Variants in IZUMO3 observed in about 807,000 individuals in gnomAD.
IZUMO3 encodes izumo sperm-egg fusion protein 3.
IZUMO3 carries 36 observed loss-of-function variants against 28.4 expected under a neutral mutation model. The observed-to-expected ratio is 1.27, with a 90% CI of 0.97 to 1.67. The LOEUF is 1.67. Ranked by LOEUF, IZUMO3 falls within the 40% of genes most tolerant of loss-of-function variation. The probability of loss-of-function intolerance (pLI) is 0.00; values close to 1 mark genes in which losing one functional copy is unlikely to be tolerated. For synonymous variants in IZUMO3, 126 were observed against 99.2 expected (o/e 1.27, Z -1.61); for missense variants, 387 against 278.5 (o/e 1.39, Z -2.77).
At chr9:24,543,605 G>A in intron 6 of IZUMO3, 59 bp downstream of exon 6, 1 of 1,245,778 alleles carries the variant, frequency 8.0e-7, no homozygotes, top group East Asian at 2.6e-5. Context: ...GGGAATTTGG[G>A]CAGTCTCTTG....
intron 1 of IZUMO3, 34 bp downstream of exon 1, chr9:24,545,390 C>A (rs1445258775): frequency 1.3e-6 from 2 of 1,545,658 alleles, no homozygotes; most frequent in Non-Finnish European, 1.7e-6. Flanking sequence ...TCCGTTTAAG[C>A]CCCTGGACTC....
chr9:24,543,967 A>T (rs965587567), intron 5 of IZUMO3, among the ~76,000 whole-genome samples: 4 of 151,994 alleles, frequency 2.6e-5, no homozygotes, highest in African/African-American at 9.7e-5. Context: ...TCCCAGCCTA[A>T]TTTCTTCATT....
chr9:24,545,510 C>T lies in IZUMO3; in HGVS notation c.140G>A (p.Arg47Gln), dbSNP rs1163391947. Residue 47 changes from arginine to glutamine, a missense_variant, in exon 1 of 7, where the codon CGA becomes CAA. Physicochemically the swap from Arg to Gln is conservative, Grantham distance 43. Transcript: ENST00000543880. ...GNLIPSEVPGRTQLLERQIKE... is the reference protein window; with the variant it reads ...GNLIPSEVPGQTQLLERQIKE... ...AATCTGCCGTTCAAGCAGCTGAGTT[C>T]GGCCGGGGACTTCTGAAGGTATCAG... 4.6e-6 allele frequency: 7 copies of T among 1,535,228 alleles called. No homozygotes were observed. The highest frequency in any genetic ancestry group is 2.0e-5 in the Admixed American group (1 of 50,938).
intron 2 of IZUMO3, 74 bp from the exon 3 acceptor site, chr9:24,545,135 A>G: frequency 1.3e-6 from 2 of 1,492,032 alleles, no homozygotes; most frequent in South Asian, 1.2e-5. Context: ...GTCTGTTTTT[A>G]TCTTTGTTTT....
At position 24,543,698 on chromosome 9, in the gene IZUMO3, C is replaced by T. The variant is rs1314693091; in HGVS notation, c.547G>A (p.Ala183Thr). The change falls in exon 6 of 7, where the codon GCA becomes ACA. Residue 183 changes from alanine to threonine, a missense_variant. Coordinates refer to ENST00000543880, the MANE Select transcript of IZUMO3 (RefSeq NM_001365008.2). ...GCACTTCCCAGTATTACAGCTGTTG[C>T]CAGCAATATGAGAAATAGAGCAATC... ...REIALFLILLATAVILGSAVL... is the reference protein window; with the variant it reads ...REIALFLILLTTAVILGSAVL... The T allele has an allele frequency of 6.5e-7, 1 of 1,549,150 alleles. No individual in the cohort carries two copies. The highest frequency in any genetic ancestry group is 2.0e-5 in the Admixed American group (1 of 50,930).
At chr9:24,545,392 C>T (rs573600800) in intron 1 of IZUMO3, 32 bp downstream of exon 1, 3 of 1,545,364 alleles carry the variant, frequency 1.9e-6, no homozygotes, top group African/African-American at 1.4e-5. Flanking sequence ...CGTTTAAGCC[C>T]CTGGACTCTC....
At chr9:24,543,455 T>TG (rs1819504356) in intron 6 of IZUMO3, 88 bp from the exon 7 acceptor site, 1 of 895,876 alleles carries the variant, frequency 1.1e-6, no homozygotes, top group Non-Finnish European at 1.5e-6. Flanking sequence ...TTTTTTTTTT[T>TG]TTTTTTTTTT....
intron 6 of IZUMO3, 82 bp from the exon 7 acceptor site, chr9:24,543,449 T>A: frequency 1.3e-6 from 1 of 789,990 alleles, no homozygotes; most frequent in East Asian, 3.8e-5. Flanking sequence ...TTTTTTTTTT[T>A]TTTTTTTTTT....
rs33972842 is a variant in IZUMO3, at chr9:24,543,438, G to GTTTTTTTTT, written c.582-80_582-72dup. 70 of 37,800 alleles carry GTTTTTTTTT rather than the reference G, an allele frequency of 1.9e-3. 14 individuals are homozygous for GTTTTTTTTT. Among genetic ancestry groups the GTTTTTTTTT allele is most frequent in the Admixed American group, 3.1e-3 (5 of 1,628 alleles). 2.3% of individuals were successfully genotyped at this position (37,800 alleles called of 1,614,324 possible). A position where few individuals can be genotyped will look rare whatever the true frequency, so the allele number is the denominator to read the frequency against. ...CCATTCTTTAAGCCAGTTATACATT[G>GTTTTTTTTT]TTTTTTTTTTTTTTTTTTTTTTTTT... is the stretch of plus-strand genomic sequence containing the variant. On this transcript the variant is annotated intron_variant, in intron 6 of 6. Transcript: ENST00000543880.
chr9:24,544,670 T>G (rs747312647), intron 4 of IZUMO3, 73 bp downstream of exon 4: 9 of 1,319,566 alleles, frequency 6.8e-6, no homozygotes, highest in Non-Finnish European at 8.5e-6. Context: ...GTGGGAGAGA[T>G]AGGGCCATAT....
chr9:24,545,593 T>G lies in IZUMO3; in HGVS notation c.57A>C (p.Lys19Asn), dbSNP rs1335047675. Residue 19 changes from lysine to asparagine, a missense_variant, in exon 1 of 7, where the codon AAA becomes AAC. Physicochemically the swap from Lys to Asn is moderately conservative, Grantham distance 94 (BLOSUM62 0). Coordinates refer to ENST00000543880, the MANE Select transcript of IZUMO3 (RefSeq NM_001365008.2). Reference sequence around the variant, plus strand: ...ATTTGGGGTCACATTCTAAACAGCCTTTGACTCCATGGAAGGCTGAGAGGG... The same window carrying G: ...ATTTGGGGTCACATTCTAAACAGCCGTTGACTCCATGGAAGGCTGAGAGGG... The part of the protein sequence containing the change: ...LLPLSAFHGV[K>N]GCLECDPKFI... 9 of 1,535,230 alleles carry G rather than the reference T, an allele frequency of 5.9e-6. No individual in the cohort carries two copies. The African/African-American group carries it at 1.1e-4, about 19-fold the overall frequency.
In IZUMO3 at chr9:24,543,690, A is replaced by G; in HGVS notation, c.555T>C (p.Ala185=). The G allele has an allele frequency of 6.5e-7, 1 of 1,548,834 alleles. No individual in the cohort carries two copies. The highest frequency in any genetic ancestry group is 1.4e-5 in the African/African-American group (1 of 73,094). The change falls in exon 6 of 7, where the codon GCT becomes GCC. Residue 185 remains alanine (A), a synonymous_variant. Coordinates refer to ENST00000543880, the MANE Select transcript of IZUMO3 (RefSeq NM_001365008.2). The part of the protein sequence containing the change: ...IALFLILLAT[A]VILGSAVLLF... ...GTAACACAGCACTTCCCAGTATTAC[A>G]GCTGTTGCCAGCAATATGAGAAATA...
In IZUMO3 at chr9:24,544,979, A is replaced by G; in HGVS notation, c.384T>C (p.Ser128=). 6.5e-7 allele frequency: 1 copy of G among 1,548,172 alleles called. No homozygotes were observed. Among genetic ancestry groups the G allele is most frequent in the Non-Finnish European group, 8.7e-7 (1 of 1,144,646 alleles). ...ATAGAAAGTTTTACTTACCAATTTC[A>G]GAGAAGTTCTTTAGTAATTCTTTCA... ...SKLKELLKNF[S]EIACSEDCIV... Residue 128 remains serine (S), a synonymous_variant, in exon 3 of 7, where the codon TCT becomes TCC. Coordinates refer to ENST00000543880, the MANE Select transcript of IZUMO3 (RefSeq NM_001365008.2).
At chr9:24,545,168 T>C (rs776533634) in intron 2 of IZUMO3, 44 bp downstream of exon 2, 1 of 1,527,254 alleles carries the variant, frequency 6.5e-7, no homozygotes. Flanking sequence ...TTTCTGAGGC[T>C]TGCTTGAGCA....
At position 24,544,177 on chromosome 9, in the gene IZUMO3, A is replaced by G. The variant is rs1042371765; in HGVS notation, c.490+24T>C. 6 of 1,504,116 alleles carry G rather than the reference A, an allele frequency of 4.0e-6. No individual in the cohort carries two copies. The African/African-American group carries it at 6.9e-5, about 17-fold the overall frequency. 93.2% of individuals were successfully genotyped at this position (1,504,116 alleles called of 1,614,324 possible). On this transcript the variant is annotated intron_variant, in intron 5 of 6. Transcript: ENST00000543880. Reference sequence around the variant, plus strand: ...GCTCCTTAATCCCTGTCCCTTCAAAATTCCATACCATGATCTTTGTTACCT... The same window carrying G: ...GCTCCTTAATCCCTGTCCCTTCAAAGTTCCATACCATGATCTTTGTTACCT...
rs1486553997 is a variant in IZUMO3, at chr9:24,544,298, G to A, written c.410-17C>T. 2.6e-6 allele frequency: 4 copies of A among 1,534,716 alleles called. No homozygotes were observed. The stretch of plus-strand genomic sequence containing the variant: ...CAACCACAACTGATAAAGAGGAGAA[G>A]AAAGATAATCAGAAAGAGGGCATGG... On this transcript the variant is annotated splice_polypyrimidine_tract_variant and intron_variant, in intron 4 of 6. Transcript: ENST00000543880.
chr9:24,543,335 A>G lies in IZUMO3; in HGVS notation c.614T>C (p.Met205Thr). 1.3e-6 allele frequency: 2 copies of G among 1,542,726 alleles called. No individual in the cohort carries two copies. Among genetic ancestry groups the G allele is most frequent in the Non-Finnish European group, 8.7e-7 (1 of 1,144,240 alleles). The change falls in exon 7 of 7, where the codon ATG becomes ACG. Residue 205 changes from methionine to threonine, a missense_variant. Transcript: ENST00000543880. ...FHFCIFHRRK[M>T]KAIRRSLKEY... ...CTTTAGCGACCTTCGTATTGCCTTC[A>G]TTTTCCTCCGATGAAAGATGCAAAA...
Position 24,545,201 on chromosome 9 carries a change from C to G in IZUMO3, c.301+11G>C. ...GCAATACAAACTTTTAACATTGAAA[C>G]AGTACCTCACCTTTCCATGTTTCAT... On this transcript the variant is annotated intron_variant, in intron 2 of 6. Coordinates refer to ENST00000543880, the MANE Select transcript of IZUMO3 (RefSeq NM_001365008.2). 2 of 1,548,026 alleles carry G rather than the reference C, an allele frequency of 1.3e-6. No individual in the cohort carries two copies. The highest frequency in any genetic ancestry group is 2.4e-5 in the East Asian group (1 of 40,892).
chr9:24,545,660 A>AC lies in IZUMO3; in HGVS notation c.-12dup, dbSNP rs1401850708. ...CCACAGGTCACCCATTTCTTTCTTC[A>AC]CCCCCGCTCCCCGACAGCAGGTTGT... On this transcript the variant is annotated 5_prime_UTR_variant, in exon 1 of 7. Transcript: ENST00000543880. 26 of 1,533,578 alleles carry AC rather than the reference A, an allele frequency of 1.7e-5. No individual in the cohort carries two copies. Among genetic ancestry groups the AC allele is most frequent in the Non-Finnish European group, 2.2e-5 (25 of 1,146,320 alleles). The allele number at this position is 1,533,578 out of a possible 1,614,324, so 95.0% of individuals were successfully genotyped here.
Sources: allele counts gnomAD v4.1 joint callset (sites outside exome capture counted in the v4.1 genomes callset), GRCh38; gene constraint gnomAD v4.1.1; transcripts MANE v1.5; gene names NCBI Gene and HGNC (gene_info 2026-07-23, HGNC 2026-07-21).